The following HMCN1 variants were observed in gnomAD, a reference collection of about 807,000 sequenced individuals.
HMCN1 encodes the protein hemicentin-1.
In HMCN1, 321 loss-of-function variants were observed where a neutral mutation model predicts 625.9. The ratio of observed to expected loss-of-function variants is 0.51; its 90% CI spans 0.47 to 0.56. The LOEUF (loss-of-function observed/expected upper bound fraction) is 0.56, where lower values mean the gene tolerates loss of function less well. Among genes scored for constraint, HMCN1 ranks in the 20% least tolerant of loss-of-function variants. HMCN1 has a pLI of 0.00. For missense variants in HMCN1, 6,588 were observed against 6,887.3 expected (o/e 0.96, Z 1.54); for synonymous variants, 2,425 against 2,417.6 (o/e 1.00, Z -0.09).
intron 63 of HMCN1, 70 bp from the exon 64 acceptor site, chr1:186,090,688 T>C (rs1044034918): frequency 1.3e-6 from 2 of 1,537,572 alleles, no homozygotes; most frequent in African/African-American, 2.7e-5. Context: ...TCATATTGTT[T>C]TATGACTCTG....
intron 63 of HMCN1, among the ~76,000 whole-genome samples, chr1:186,089,988 C>T (rs1659747544): frequency 6.6e-6 from 1 of 151,858 alleles, no homozygotes; most frequent in African/African-American, 2.4e-5. Flanking sequence ...ATATTCCCAC[C>T]ATGATCTAAT....
chr1:185,847,250 G>T (rs898582155), intron 2 of HMCN1, among the ~76,000 whole-genome samples: 1 of 151,904 alleles, frequency 6.6e-6, no homozygotes. Context: ...GCTTATCCAC[G>T]AGTGGCCAAA....
Position 186,189,629 on chromosome 1 carries a change from G to A in HMCN1, c.16659G>A (p.Arg5553=). Residue 5553 remains arginine, a synonymous_variant, in exon 107 of 107, where the codon CGG becomes CGA. Transcript: ENST00000271588. Reference sequence around the variant, plus strand: ...TAGCCACCAATCAAGATTTAATCCGGCTGGTTGCATACACACAGGATGGAG... The same window carrying A: ...TAGCCACCAATCAAGATTTAATCCGACTGGTTGCATACACACAGGATGGAG... ...FGIATNQDLI[R]LVAYTQDGVM... is the part of the protein sequence containing the mutation. 1 of 1,612,798 alleles carries A rather than the reference G, an allele frequency of 6.2e-7. No homozygotes were observed. The highest frequency in any genetic ancestry group is 1.1e-5 in the South Asian group (1 of 90,908).
chr1:185,978,040 T>A, intron 16 of HMCN1, 59 bp downstream of exon 16: 1 of 1,209,014 alleles, frequency 8.3e-7, no homozygotes. Context: ...ATATTTATGT[T>A]TTATACATAG....
intron 4 of HMCN1, among the ~76,000 whole-genome samples, chr1:185,871,618 C>A (rs1018392520): frequency 1.3e-5 from 2 of 152,058 alleles, no homozygotes; most frequent in Non-Finnish European, 2.9e-5. Context: ...ATAAACTGAA[C>A]CCAGGAAAAT....
At chr1:185,745,481 T>C (rs1414875893) in intron 1 of HMCN1, among the ~76,000 whole-genome samples, 1 of 152,210 alleles carries the variant, frequency 6.6e-6, no homozygotes, top group Non-Finnish European at 1.5e-5. Flanking sequence ...TGTAACCTCA[T>C]GCACTTTCCT....
At chr1:185,920,328 A>G (rs1666941122) in intron 6 of HMCN1, among the ~76,000 whole-genome samples, 1 of 152,164 alleles carries the variant, frequency 6.6e-6, no homozygotes, top group Admixed American at 6.5e-5. Flanking sequence ...ATTGCATATA[A>G]AAATGGACTC....
intron 36 of HMCN1, among the ~76,000 whole-genome samples, chr1:186,035,818 T>C (rs1184112698): frequency 6.6e-6 from 1 of 152,162 alleles, no homozygotes; most frequent in Non-Finnish European, 1.5e-5. Context: ...GAAAAACATA[T>C]ATATTCTTTG....
At chr1:185,911,370 T>A (rs1237680275) in intron 5 of HMCN1, among the ~76,000 whole-genome samples, 1 of 152,210 alleles carries the variant, frequency 6.6e-6, no homozygotes, top group African/African-American at 2.4e-5. Context: ...CATTATTTCA[T>A]AAGGTTTCCA....
intron 5 of HMCN1, 113 bp downstream of exon 5, chr1:185,909,621 A>G (rs748551391): frequency 1.1e-4 from 105 of 927,454 alleles, no homozygotes; most frequent in Non-Finnish European, 1.6e-4. Flanking sequence ...AATTCAATAA[A>G]TTCAGAAGTG....
At chr1:185,783,512 G>A (rs1017961560) in intron 1 of HMCN1, among the ~76,000 whole-genome samples, 3 of 152,152 alleles carry the variant, frequency 2.0e-5, no homozygotes, top group South Asian at 4.1e-4. Context: ...GTGACGTACG[G>A]ATGGGGTTTT....
chr1:186,060,762 G>T (rs1657636301), intron 46 of HMCN1, among the ~76,000 whole-genome samples: 1 of 151,944 alleles, frequency 6.6e-6, no homozygotes, highest in Non-Finnish European at 1.5e-5. Flanking sequence ...AGTAATTGTG[G>T]TTTTTGCCAT....
At chr1:185,829,825 A>G (rs931235471) in intron 1 of HMCN1, among the ~76,000 whole-genome samples, 2 of 152,302 alleles carry the variant, frequency 1.3e-5, no homozygotes, top group East Asian at 1.9e-4. Flanking sequence ...TTGAAGAATC[A>G]CCATACTGTC....
intron 1 of HMCN1, among the ~76,000 whole-genome samples, chr1:185,740,705 G>T (rs1653930957): frequency 1.3e-5 from 2 of 148,154 alleles, no homozygotes; most frequent in Admixed American, 1.3e-4. Context: ...GTAGGGGGAT[G>T]GGGTGGCGGG....
chr1:186,071,776 T>A (rs1421106814), intron 52 of HMCN1, among the ~76,000 whole-genome samples: 1 of 152,218 alleles, frequency 6.6e-6, no homozygotes, highest in Non-Finnish European at 1.5e-5. Context: ...CATGCTCCGT[T>A]TATAGTTTCT....
chr1:185,806,666 A>G (rs1003370225), intron 1 of HMCN1, among the ~76,000 whole-genome samples: 2 of 151,852 alleles, frequency 1.3e-5, no homozygotes, highest in African/African-American at 4.8e-5. Context: ...CTCACGTACG[A>G]TGGCATTGCA....
At chr1:185,805,611 C>T (rs1463017991) in intron 1 of HMCN1, among the ~76,000 whole-genome samples, 3 of 152,246 alleles carry the variant, frequency 2.0e-5, no homozygotes, top group South Asian at 2.1e-4. Flanking sequence ...GGCAAAGTTA[C>T]TTTAGAGAAA....
chr1:186,130,689 G>C lies in HMCN1; in HGVS notation c.13222G>C (p.Gly4408Arg), dbSNP rs1661885285. 6.2e-7 allele frequency: 1 copy of C among 1,612,340 alleles called. No homozygotes were observed. Among genetic ancestry groups the C allele is most frequent in the Non-Finnish European group, 8.5e-7 (1 of 1,179,408 alleles). ...GGGCAATGGCTCCCTGGCCATCTAT[G>C]GCACTGTTGTAAGTCACGCCAGAAT... Reference protein sequence around the residue: ...QLGNGSLAIYGTVNEDAGDYT... With the variant: ...QLGNGSLAIYRTVNEDAGDYT... Residue 4408 changes from glycine to arginine, a missense_variant, in exon 85 of 107, where the codon GGC becomes CGC. Around this residue, in one of 3 missense-constraint regions of HMCN1, gnomAD observed 1,954 missense variants for 2,013.1 expected, o/e 0.97. Coordinates refer to ENST00000271588, the MANE Select transcript of HMCN1 (RefSeq NM_031935.3).
At chr1:185,760,111 G>A (rs985164830) in intron 1 of HMCN1, among the ~76,000 whole-genome samples, 29 of 152,294 alleles carry the variant, frequency 1.9e-4, no homozygotes, top group African/African-American at 7.0e-4. Flanking sequence ...ATAGGATATG[G>A]ACTAGATGTG....
Sources: allele counts gnomAD v4.1 joint callset (sites outside exome capture counted in the v4.1 genomes callset), GRCh38; gene constraint gnomAD v4.1.1; regional missense constraint gnomAD v4.1.1; transcripts MANE v1.5; gene names NCBI Gene and HGNC (gene_info 2026-07-23, HGNC 2026-07-21).